Variants in ZNF208 observed in about 807,000 individuals in gnomAD.
The protein encoded by ZNF208 is zinc finger protein 208.
Under a neutral mutation model 12.1 loss-of-function variants are expected in ZNF208, and 10 were observed. The observed-to-expected ratio is 0.83, with a 90% CI of 0.51 to 1.40. ZNF208 has a LOEUF of 1.40. Among genes scored for constraint, ZNF208 ranks in the 40% most tolerant of loss-of-function variants. The pLI is 0.00. For missense variants in ZNF208, 1,652 were observed against 1,485.0 expected (o/e 1.11, Z -1.85); for synonymous variants, 497 against 488.4 (o/e 1.02, Z -0.23).
Position 21,970,651 on chromosome 19 carries a change from G to A in ZNF208, c.*540C>T, listed in dbSNP as rs751910938. The A allele has an allele frequency of 5.1e-5, 52 of 1,026,022 alleles. 1 individual carries two copies. In the Middle Eastern group the frequency reaches 8.5e-4, roughly 17 times the overall value. 63.6% of individuals were successfully genotyped at this position (1,026,022 alleles called of 1,614,324 possible). On this transcript the variant is annotated 3_prime_UTR_variant, in exon 4 of 4. Coordinates refer to ENST00000397126, the MANE Select transcript of ZNF208 (RefSeq NM_007153.3). ...AATTCTCTTATGTTCCATAAGGTTT[G>A]AGGACTGGTTGAAGCCTTTGCCACA...
At chr19:21,975,759 GACCAGTGAAATGTCA>G (rs1970418519) in intron 3 of ZNF208, among the ~76,000 whole-genome samples, 1 of 120,554 alleles carries the variant, frequency 8.3e-6, no homozygotes, top group Admixed American at 1.0e-4. Context: ...GAACAAAAAT[GACCAGTGAAATGTCA>G]ACAAAAGATT....
intron 1 of ZNF208, among the ~76,000 whole-genome samples, chr19:21,997,375 T>C (rs1045068919): frequency 1.6e-4 from 24 of 152,214 alleles, no homozygotes; most frequent in Non-Finnish European, 1.5e-5. Flanking sequence ...TTTTGCAACT[T>C]GAACCCCGGT....
intron 1 of ZNF208, among the ~76,000 whole-genome samples, chr19:21,999,587 C>T (rs1175910879): frequency 6.6e-6 from 1 of 151,900 alleles, no homozygotes; most frequent in Non-Finnish European, 1.5e-5. Context: ...AAATTTAATC[C>T]AATCTTTGTG....
At chr19:22,010,338 T>C (rs1971123173) in intron 1 of ZNF208, among the ~76,000 whole-genome samples, 1 of 152,254 alleles carries the variant, frequency 6.6e-6, no homozygotes, top group Non-Finnish European at 1.5e-5. Context: ...CTGGGTGCTC[T>C]ACAATTTTGG....
chr19:21,948,382 C>G (rs1254359168), intron 4 of ZNF208, among the ~76,000 whole-genome samples: 1 of 152,192 alleles, frequency 6.6e-6, no homozygotes, highest in African/African-American at 2.4e-5. Flanking sequence ...AAAATTAAAT[C>G]TGCCCTCTTG....
At chr19:21,948,731 C>T (rs1490429327) in intron 4 of ZNF208, among the ~76,000 whole-genome samples, 1 of 152,074 alleles carries the variant, frequency 6.6e-6, no homozygotes, top group East Asian at 1.9e-4. Flanking sequence ...TGGAGAGATG[C>T]TATGCTGCTT....
Position 21,972,638 on chromosome 19 carries a change from T to C in ZNF208, c.2396A>G (p.His799Arg). Reference protein sequence around the residue: ...SAILIKHKRIHTDEKPYKCEE... With the variant: ...SAILIKHKRIRTDEKPYKCEE... ...ACATTTGTAGGGTTTCTCATCAGTA[T>C]GAATTCTCTTATGTTTAATAAGGAT... The change falls in exon 4 of 4, where the codon CAT becomes CGT. Residue 799 changes from histidine to arginine, a missense_variant. Transcript: ENST00000397126. The C allele has an allele frequency of 6.2e-7, 1 of 1,613,394 alleles. No individual in the cohort carries two copies. Among genetic ancestry groups the C allele is most frequent in the Non-Finnish European group, 8.5e-7 (1 of 1,179,872 alleles).
downstream of ZNF208, among the ~76,000 whole-genome samples, chr19:21,965,289 T>C (rs923026221): frequency 6.6e-6 from 1 of 152,076 alleles, no homozygotes; most frequent in African/African-American, 2.4e-5. Flanking sequence ...ATACTGTCAT[T>C]TCTAGATGAA....
At chr19:21,992,725 G>A (rs1259901526) in intron 1 of ZNF208, among the ~76,000 whole-genome samples, 1 of 152,192 alleles carries the variant, frequency 6.6e-6, no homozygotes, top group Non-Finnish European at 1.5e-5. Flanking sequence ...CATAGAAGAA[G>A]CCGTAATATA....
At chr19:22,010,697 G>A (rs1270300316) in intron 1 of ZNF208, 95 bp downstream of exon 1, 4 of 1,587,512 alleles carry the variant, frequency 2.5e-6, no homozygotes, top group Non-Finnish European at 3.5e-6. Flanking sequence ...ATGTGGAGCT[G>A]ACTGCGGGGA....
intron 4 of ZNF208, among the ~76,000 whole-genome samples, chr19:21,960,413 T>C (rs1161310327): frequency 6.6e-6 from 1 of 152,074 alleles, no homozygotes; most frequent in Admixed American, 6.6e-5. Context: ...GGAAAAAAAG[T>C]GGATTACTCA....
In ZNF208 at chr19:21,972,190, T is replaced by C; in HGVS notation, c.2844A>G (p.Glu948=). ...THAGEKFYKC[E]ACGKAYKSSS... ...ATGACTTATAGGCTTTGCCACATGCTTCACATTTGTAGAATTTCTCTCCAG... is the reference window on the plus strand; with the variant it reads ...ATGACTTATAGGCTTTGCCACATGCCTCACATTTGTAGAATTTCTCTCCAG... The change falls in exon 4 of 4, where the codon GAA becomes GAG. Residue 948 remains glutamate (E), a synonymous_variant. Transcript: ENST00000397126. 6.2e-7 allele frequency: 1 copy of C among 1,613,338 alleles called. No homozygotes were observed. Among genetic ancestry groups the C allele is most frequent in the Middle Eastern group, 1.7e-4 (1 of 6,052 alleles).
chr19:21,953,499 C>T (rs746009341), intron 4 of ZNF208, among the ~76,000 whole-genome samples: 2 of 152,160 alleles, frequency 1.3e-5, no homozygotes, highest in African/African-American at 2.4e-5. Context: ...AGAGTGGGGG[C>T]CAATATTCAA....
chr19:21,947,036 T>A (rs1445776263), intron 4 of ZNF208, among the ~76,000 whole-genome samples: 1 of 152,084 alleles, frequency 6.6e-6, no homozygotes, highest in Non-Finnish European at 1.5e-5. Context: ...GTTGTGAATG[T>A]TTTTACAGCC....
intron 1 of ZNF208, among the ~76,000 whole-genome samples, chr19:21,992,173 G>A (rs1015746733): frequency 4.6e-5 from 7 of 152,148 alleles, no homozygotes; most frequent in Admixed American, 4.6e-4. Flanking sequence ...ATGATGAAGA[G>A]AAAAATAATT....
At chr19:21,952,976 G>T (rs1369277662) in intron 4 of ZNF208, among the ~76,000 whole-genome samples, 1 of 152,188 alleles carries the variant, frequency 6.6e-6, no homozygotes, top group African/African-American at 2.4e-5. Context: ...GACCTTAAAT[G>T]ACCTGATGGA....
intron 1 of ZNF208, chr19:21,991,365 A>C (rs1243691856): frequency 6.6e-6 from 1 of 152,218 alleles, no homozygotes; most frequent in Non-Finnish European, 1.5e-5. Context: ...TTTATATGTA[A>C]TATTTTTCTA....
chr19:21,970,570 G>A lies in ZNF208; in HGVS notation c.*621C>T. The A allele has an allele frequency of 1.4e-6, 1 of 730,410 alleles. No individual in the cohort carries two copies. The highest frequency in any genetic ancestry group is 3.7e-5 in the East Asian group (1 of 27,250). 45.2% of individuals were successfully genotyped at this position (730,410 alleles called of 1,614,324 possible). A position where few individuals can be genotyped will look rare whatever the true frequency, so the allele number is the denominator to read the frequency against. ...TCTTTTATGAGTAGTAAGGTGTGAG[G>A]ACCAGTTGAAGTCTTTATCACATTC... On this transcript the variant is annotated 3_prime_UTR_variant, in exon 4 of 4. Transcript: ENST00000397126.
At position 21,968,517 on chromosome 19, in the gene ZNF208, C is replaced by G. The variant is rs1356382497; in HGVS notation, c.*2674G>C. ...TATTGACTTCCATATCATGAAACAC[C>G]TTCATATATATGGAAAAGCTCACAT... On this transcript the variant is annotated 3_prime_UTR_variant, in exon 4 of 4. Transcript: ENST00000397126. 6.6e-6 allele frequency: 1 copy of G among 151,934 alleles called. No homozygotes were observed. The highest frequency in any genetic ancestry group is 2.4e-5 in the African/African-American group (1 of 41,362). The allele number at this position is 151,934 out of a possible 1,614,324, so 9.4% of individuals were successfully genotyped here.
Sources: allele counts gnomAD v4.1 joint callset (sites outside exome capture counted in the v4.1 genomes callset), GRCh38; gene constraint gnomAD v4.1.1; transcripts MANE v1.5; gene names NCBI Gene and HGNC (gene_info 2026-07-23, HGNC 2026-07-21).